JPH1: variants seen among roughly 807,000 people sequenced by gnomAD.
JPH1 encodes the protein junctophilin-1.
JPH1 carries 12 observed loss-of-function variants against 53.6 expected under a neutral mutation model. The observed-to-expected ratio is 0.22, with a 90% CI of 0.14 to 0.36. The LOEUF (loss-of-function observed/expected upper bound fraction) is 0.36. Among genes scored for constraint, JPH1 ranks in the 10% least tolerant of loss-of-function variants. JPH1 has a pLI of 1.00. For missense variants in JPH1, 808 were observed against 905.5 expected (o/e 0.89, Z 1.38); for synonymous variants, 375 against 363.8 (o/e 1.03, Z -0.35).
Position 74,314,963 on chromosome 8 carries a change from G to T in JPH1, c.1037C>A (p.Pro346Gln), listed in dbSNP as rs774468191. Residue 346 changes from proline to glutamine, a missense_variant, in exon 2 of 6, where the codon CCA becomes CAA. Pro to Gln is a moderately conservative substitution (Grantham distance 76). This residue lies in a region of JPH1 where 756 missense variants were observed against 811.9 expected (regional missense o/e 0.93). Coordinates refer to ENST00000342232, the MANE Select transcript of JPH1 (RefSeq NM_020647.4). ...CTCCCTAGTTTTTGTATGTCTTATT[G>T]GTATAAGCTGCTTCCTTATCCCACG... Reference protein sequence around the residue: ...LVRGIRKQLIPIRHTKTREKV... With the variant: ...LVRGIRKQLIQIRHTKTREKV... The T allele has an allele frequency of 4.3e-6, 7 of 1,613,952 alleles. No homozygotes were observed. The African/African-American group carries it at 8.0e-5, about 18-fold the overall frequency.
At chr8:74,302,334 G>A (rs1807707683) in intron 2 of JPH1, among the ~76,000 whole-genome samples, 2 of 152,088 alleles carry the variant, frequency 1.3e-5, no homozygotes, top group Admixed American at 1.3e-4. Flanking sequence ...TAACTTTAAT[G>A]TTTCTGTACA....
chr8:74,243,829 A>C (rs1805767288), intron 4 of JPH1, among the ~76,000 whole-genome samples: 1 of 152,258 alleles, frequency 6.6e-6, no homozygotes, highest in South Asian at 2.1e-4. Context: ...TTTCTGGCTG[A>C]ATAATAAATA....
intron 2 of JPH1, among the ~76,000 whole-genome samples, chr8:74,278,376 G>A (rs1170594183): frequency 6.6e-6 from 1 of 152,140 alleles, no homozygotes. Context: ...CCATAGCCAG[G>A]ATTCACTGGT....
chr8:74,252,745 C>G (rs1479545420), intron 3 of JPH1, among the ~76,000 whole-genome samples: 5 of 152,062 alleles, frequency 3.3e-5, no homozygotes, highest in African/African-American at 1.2e-4. Context: ...GGGTTGCAAT[C>G]CTAGTCTCAG....
At chr8:74,246,948 C>G (rs16938833) in intron 3 of JPH1, among the ~76,000 whole-genome samples, 7,879 of 152,222 alleles carry the variant, frequency 0.052, 648 homozygotes, top group African/African-American at 0.17. Flanking sequence ...TGACAAAAAG[C>G]AGCAACTGCA....
intron 2 of JPH1, among the ~76,000 whole-genome samples, chr8:74,270,744 T>C (rs544093872): frequency 1.3e-5 from 2 of 152,330 alleles, no homozygotes; most frequent in African/African-American, 2.4e-5. Flanking sequence ...CTGGTCCTCA[T>C]AGATTGTTAG....
chr8:74,315,676 TGC>T lies in JPH1; in HGVS notation c.380-58_380-57del, dbSNP rs1808137724. On this transcript the variant is annotated intron_variant, in intron 1 of 5. Transcript: ENST00000342232. This position sits in a 1 kb window ranked among gnomAD's most constrained non-coding sequence, Gnocchi z 6.3. ...TCGGGGGCAGAGCTGCACCGTCACC[TGC>T]ACCATCCAGCGCACACTGGCGCAGG... The T allele has an allele frequency of 6.6e-7, 1 of 1,509,582 alleles. No homozygotes were observed. Among genetic ancestry groups the T allele is most frequent in the African/African-American group, 1.4e-5 (1 of 72,420 alleles). The allele number at this position is 1,509,582 out of a possible 1,614,324, so 93.5% of individuals were successfully genotyped here.
intron 2 of JPH1, among the ~76,000 whole-genome samples, chr8:74,312,239 C>T (rs1294199322): frequency 6.6e-6 from 1 of 151,252 alleles, no homozygotes; most frequent in African/African-American, 2.5e-5. Flanking sequence ...TGAGACCTAC[C>T]TTCTTAACAA....
intron 2 of JPH1, among the ~76,000 whole-genome samples, chr8:74,301,184 AC>A (rs1332531948): frequency 6.6e-6 from 1 of 151,516 alleles, no homozygotes; most frequent in East Asian, 1.9e-4. Flanking sequence ...GTCTTTTATC[AC>A]CTCCTCCACA....
chr8:74,268,801 A>C (rs998520682), intron 2 of JPH1, among the ~76,000 whole-genome samples: 2 of 152,206 alleles, frequency 1.3e-5, no homozygotes, highest in Non-Finnish European at 2.9e-5. Flanking sequence ...GAGTAATTCA[A>C]GACTGTATAA....
intron 2 of JPH1, among the ~76,000 whole-genome samples, chr8:74,299,259 C>T (rs572362771): frequency 3.0e-4 from 46 of 152,294 alleles, no homozygotes; most frequent in African/African-American, 9.6e-4. Context: ...TTATTCACCT[C>T]GTCTTTCTAA....
chr8:74,303,827 T>C (rs963862890), intron 2 of JPH1, among the ~76,000 whole-genome samples: 28 of 152,202 alleles, frequency 1.8e-4, no homozygotes, highest in Non-Finnish European at 4.0e-4. Flanking sequence ...CAGAGTGATC[T>C]TTCTAAAGAT....
intron 2 of JPH1, among the ~76,000 whole-genome samples, chr8:74,314,048 T>C (rs944388675): frequency 6.6e-6 from 1 of 152,166 alleles, no homozygotes; most frequent in African/African-American, 2.4e-5. Context: ...CTTGTCAATC[T>C]ATTATTCACC....
At position 74,236,890 on chromosome 8, in the gene JPH1, TC is replaced by T; in HGVS notation, c.*160del. ...CCGAACAGGTCCTCTGGCTGAATTT[TC>T]CAAGTTTCATCTCTCTCGCGATCCC... On this transcript the variant is annotated 3_prime_UTR_variant, in exon 6 of 6. Coordinates refer to ENST00000342232, the MANE Select transcript of JPH1 (RefSeq NM_020647.4). The T allele has an allele frequency of 5.1e-6, 1 of 195,610 alleles. No homozygotes were observed. Among genetic ancestry groups the T allele is most frequent in the East Asian group, 1.3e-4 (1 of 7,846 alleles). 12.1% of individuals were successfully genotyped at this position (195,610 alleles called of 1,614,324 possible). A position where few individuals can be genotyped will look rare whatever the true frequency, so the allele number is the denominator to read the frequency against.
intron 4 of JPH1, among the ~76,000 whole-genome samples, chr8:74,240,434 C>T (rs1042349354): frequency 3.3e-5 from 5 of 151,934 alleles, no homozygotes; most frequent in Non-Finnish European, 7.4e-5. Context: ...CCTCTGGTAA[C>T]CATCCTTCTA....
chr8:74,288,907 A>T (rs1332793029), intron 2 of JPH1, among the ~76,000 whole-genome samples: 3 of 152,254 alleles, frequency 2.0e-5, no homozygotes, highest in Non-Finnish European at 4.4e-5. Context: ...AAGCTTGTAG[A>T]TATTTTAAGT....
intron 3 of JPH1, among the ~76,000 whole-genome samples, chr8:74,248,126 C>T (rs983926562): frequency 2.0e-5 from 3 of 152,040 alleles, no homozygotes; most frequent in African/African-American, 7.2e-5. Flanking sequence ...TTTTCTTGTC[C>T]TAAATGCAGT....
chr8:74,320,484 G>C lies in JPH1; in HGVS notation c.379+425C>G, dbSNP rs1808281827. On this transcript the variant is annotated intron_variant, in intron 1 of 5. Coordinates refer to ENST00000342232, the MANE Select transcript of JPH1 (RefSeq NM_020647.4). This position sits in a 1 kb window ranked among gnomAD's most constrained non-coding sequence, Gnocchi z 4.4. ...CGGACCGCCAACCTCACCCGCTCAG[G>C]GTGTTCGCTCTAACTCCACGGGAGT... Among the ~76,000 whole-genome samples the C allele has an allele frequency of 6.6e-6, 1 of 152,160 alleles. No homozygotes were observed. Among genetic ancestry groups the C allele is most frequent in the South Asian group, 2.1e-4 (1 of 4,828 alleles).
intron 2 of JPH1, among the ~76,000 whole-genome samples, chr8:74,303,132 T>C (rs1447559920): frequency 1.3e-5 from 2 of 152,184 alleles, no homozygotes; most frequent in African/African-American, 4.8e-5. Context: ...GCTTTACTTG[T>C]ACTTCTTAAA....
Sources: allele counts gnomAD v4.1 joint callset (sites outside exome capture counted in the v4.1 genomes callset), GRCh38; gene constraint gnomAD v4.1.1; regional missense constraint gnomAD v4.1.1; non-coding constraint Gnocchi (gnomAD v3.1); transcripts MANE v1.5; gene names NCBI Gene and HGNC (gene_info 2026-07-23, HGNC 2026-07-21).